Variants in COL6A3 observed in about 807,000 individuals in gnomAD.
COL6A3 encodes collagen alpha-3(VI) chain.
In COL6A3, 137 loss-of-function variants were observed where a neutral mutation model predicts 274.1. That is an observed-to-expected ratio of 0.50 (90% CI 0.44 to 0.58). The LOEUF (loss-of-function observed/expected upper bound fraction) is 0.58. Ranked by LOEUF, COL6A3 falls within the 20% of genes least tolerant of loss-of-function variation. The probability of loss-of-function intolerance (pLI) is 0.00; values close to 1 mark genes in which losing one functional copy is unlikely to be tolerated. For missense variants in COL6A3, 3,950 were observed against 4,124.9 expected, an observed-to-expected ratio of 0.96 and a Z score of 1.16; for synonymous variants, 1,650 against 1,650.6, an observed-to-expected ratio of 1.00 and a Z score of 0.01.
chr2:237,398,437 C>A (rs1173021977), intron 1 of COL6A3, among the ~76,000 whole-genome samples: 2 of 152,188 alleles, frequency 1.3e-5, no homozygotes, highest in Non-Finnish European at 2.9e-5. Flanking sequence ...CTTCACTCTC[C>A]AATCTCCAAT....
rs780344025 is a variant in COL6A3 at position 237,348,672 on chromosome 2, G to A, written c.6880-9C>T. The A allele has an allele frequency of 8.7e-6, 14 of 1,614,030 alleles. No individual in the cohort carries two copies. The highest frequency in any genetic ancestry group is 1.2e-5 in the Non-Finnish European group (14 of 1,179,946). On this transcript the variant is annotated splice_polypyrimidine_tract_variant and intron_variant, in intron 28 of 43. Transcript: ENST00000295550. ...TCTCTCCCGTCATCTCCCTAAGAGT[G>A]GGAAAGAGATGTGACTGTAGGTCGC...
chr2:237,395,886 G>A (rs2078427614), intron 2 of COL6A3, among the ~76,000 whole-genome samples: 1 of 152,154 alleles, frequency 6.6e-6, no homozygotes, highest in Non-Finnish European at 1.5e-5. Context: ...ATTTCCAGAT[G>A]AACCCAGTTC....
At chr2:237,335,033 C>G in intron 40 of COL6A3, 144 bp from the exon 41 acceptor site, 1 of 886,918 alleles carries the variant, frequency 1.1e-6, no homozygotes, top group Non-Finnish European at 1.8e-6. Context: ...ATTTCTTGTT[C>G]AAGCCCCTAA....
chr2:237,378,452 A>G (rs2077907863), intron 6 of COL6A3, among the ~76,000 whole-genome samples, 184 bp downstream of exon 6: 1 of 152,208 alleles, frequency 6.6e-6, no homozygotes, highest in Admixed American at 6.5e-5. Context: ...CTTCGTGAAC[A>G]CCCTTTAGAC....
At chr2:237,349,323 C>A (rs535522494) in intron 28 of COL6A3, among the ~76,000 whole-genome samples, 4 of 152,312 alleles carry the variant, frequency 2.6e-5, no homozygotes, top group African/African-American at 9.6e-5. Flanking sequence ...CAGTTTTCAA[C>A]AGATATCAAC....
rs141586922 is a variant in COL6A3 at position 237,394,610 on chromosome 2, G to A, written c.686C>T (p.Thr229Met). ...ACCTGTGATGTCTTTAAGGGTTTCC[G>A]TGTCCCCAGCCCTTTCTGGACTCAC... Reference protein sequence around the residue: ...SSVSPERAGDTETLKDITAQD... With the variant: ...SSVSPERAGDMETLKDITAQD... The change falls in exon 3 of 44, where the codon ACG (threonine) becomes ATG (methionine). Residue 229 changes from threonine to methionine, a missense_variant. Thr to Met is a moderately conservative substitution (Grantham distance 81, BLOSUM62 -1). Transcript: ENST00000295550. The A allele has an allele frequency of 3.2e-5, 51 of 1,613,982 alleles. No individual in the cohort carries two copies. Among genetic ancestry groups the A allele is most frequent in the East Asian group, 4.5e-5 (2 of 44,898 alleles).
At chr2:237,389,114 G>A (rs1009723764) in intron 3 of COL6A3, among the ~76,000 whole-genome samples, 1 of 152,092 alleles carries the variant, frequency 6.6e-6, no homozygotes, top group Non-Finnish European at 1.5e-5. Context: ...ACAAAGGGCA[G>A]AAAAACAGCT....
chr2:237,359,549 A>G (rs577259550), intron 17 of COL6A3, among the ~76,000 whole-genome samples, 161 bp from the exon 18 acceptor site: 1 of 152,252 alleles, frequency 6.6e-6, no homozygotes, highest in South Asian at 2.1e-4. Flanking sequence ...CTCTCTCACC[A>G]CCACGTGCGA....
Position 237,395,193 on chromosome 2 carries a change from C to T in COL6A3, c.103G>A (p.Gly35Ser), listed in dbSNP as rs778530814. The change falls in exon 3 of 44, where the codon GGT becomes AGT. Residue 35 changes from glycine (G) to serine (S), a missense_variant. This residue lies in a region of COL6A3 where 1,934 missense variants were observed against 1,984.3 expected (regional missense o/e 0.97). Transcript: ENST00000295550. ...AQQQQADVKN[G>S]AAADIIFLVD... ...AGAAATATTATATCAGCAGCCGCACCATTTTTGACATCTTTAAAAAAAGAC... is the reference window on the plus strand; with the variant it reads ...AGAAATATTATATCAGCAGCCGCACTATTTTTGACATCTTTAAAAAAAGAC... The T allele has an allele frequency of 6.2e-7, 1 of 1,613,214 alleles. No individual in the cohort carries two copies. The highest frequency in any genetic ancestry group is 2.2e-5 in the East Asian group (1 of 44,882).
chr2:237,363,139 C>A, intron 14 of COL6A3, 114 bp downstream of exon 14: 1 of 1,047,182 alleles, frequency 9.5e-7, no homozygotes, highest in Non-Finnish European at 1.4e-6. Flanking sequence ...AACTATCTAC[C>A]AAGGCCCCCC....
At chr2:237,347,706 C>T in intron 31 of COL6A3, 101 bp downstream of exon 31, 1 of 1,226,162 alleles carries the variant, frequency 8.2e-7, no homozygotes, top group South Asian at 1.3e-5. Context: ...TATCCCTGGC[C>T]AGGGTGCAAG....
At position 237,377,540 on chromosome 2, in the gene COL6A3, A is replaced by C. The variant is rs542551045; in HGVS notation, c.2498-196T>G. 2.0e-5 allele frequency among the ~76,000 whole-genome samples: 3 copies of C among 152,328 alleles called. No individual in the cohort carries two copies. The South Asian group carries it at 6.2e-4, about 32-fold the overall frequency. On this transcript the variant is annotated intron_variant, in intron 6 of 43. Transcript: ENST00000295550. ...CTATTTCAAATCAGTGCATATTTGC[A>C]AAGCTAGTAACTAGAACAGCCTATC...
chr2:237,333,321 A>T (rs901477864), intron 42 of COL6A3, 129 bp downstream of exon 42: 2 of 793,416 alleles, frequency 2.5e-6, no homozygotes, highest in Non-Finnish European at 4.3e-6. Context: ...GGCTGCACAG[A>T]GCTGACGTGG....
intron 43 of COL6A3, 111 bp from the exon 44 acceptor site, chr2:237,324,925 C>T: frequency 9.0e-7 from 1 of 1,114,146 alleles, no homozygotes; most frequent in Non-Finnish European, 1.3e-6. Context: ...CACAGTCCCG[C>T]AGCCTCTGGT....
chr2:237,371,733 T>A lies in COL6A3; in HGVS notation c.4284A>T (p.Pro1428=). The A allele has an allele frequency of 6.3e-7, 1 of 1,593,422 alleles. No individual in the cohort carries two copies. The highest frequency in any genetic ancestry group is 8.6e-7 in the Non-Finnish European group (1 of 1,166,580). ...GAACCTCCGACGCCCCCATCTCACC[T>A]GGAGGTGGATAGCGAGTGCTGGCTA... is the stretch of plus-strand genomic sequence containing the variant. ...KLLASTRYPP[P]AVESDAADIV... Residue 1428 remains proline, a splice_region_variant and synonymous_variant, in exon 9 of 44, where the codon CCA becomes CCT. Coordinates refer to ENST00000295550, the MANE Select transcript of COL6A3 (RefSeq NM_004369.4). This position sits in a 1 kb window ranked among gnomAD's most constrained non-coding sequence, Gnocchi z 4.3.
rs11896521 is a variant in COL6A3, at chr2:237,374,829, T to G, written c.3262A>C (p.Lys1088Gln). The stretch of plus-strand genomic sequence containing the variant: ...CGGACAGCGTTGACGACGTCCTGCT[T>G]GTTCATGTATGAATTCAGGTAGAAC... ...PEFYLNSYMNKQDVVNAVRQL... is the reference protein window; with the variant it reads ...PEFYLNSYMNQQDVVNAVRQL... The change falls in exon 8 of 44, where the codon AAG (lysine) becomes CAG (glutamine). Residue 1088 changes from lysine (K) to glutamine (Q), a missense_variant. Around this residue, in one of 5 missense-constraint regions of COL6A3, gnomAD observed 1,934 missense variants for 1,984.3 expected, o/e 0.97. Transcript: ENST00000295550. This position sits in a 1 kb window ranked among gnomAD's most constrained non-coding sequence, Gnocchi z 4.8. 0.017 allele frequency: 26,914 copies of G among 1,613,924 alleles called. 1,501 individuals are homozygous for G. The highest frequency in any genetic ancestry group is 0.15 in the African/African-American group (11,317 of 74,940).
At chr2:237,327,213 C>T (rs576888781) in intron 42 of COL6A3, 7 of 152,340 alleles carry the variant, frequency 4.6e-5, no homozygotes, top group Admixed American at 3.3e-4. Flanking sequence ...GGTGGCTTCC[C>T]TGTTAGCGTG....
Position 237,394,733 on chromosome 2 carries a change from A to G in COL6A3, c.563T>C (p.Ile188Thr), listed in dbSNP as rs2078385314. 7 of 1,614,200 alleles carry G rather than the reference A, an allele frequency of 4.3e-6. No individual in the cohort carries two copies. The highest frequency in any genetic ancestry group is 5.9e-6 in the Non-Finnish European group (7 of 1,180,036). ...EDADEGALKE[I>T]ASEPLNMHMF... is the part of the protein sequence containing the mutation. ...ATGCATATTGAGCGGTTCACTTGCT[A>G]TTTCTTTTAACGCTCCTTCATCTGC... Residue 188 changes from isoleucine to threonine, a missense_variant, in exon 3 of 44, where the codon ATA becomes ACA. Physicochemically the swap from Ile to Thr is moderately conservative, Grantham distance 89. This residue lies in a region of COL6A3 where 1,934 missense variants were observed against 1,984.3 expected (regional missense o/e 0.97). Coordinates refer to ENST00000295550, the MANE Select transcript of COL6A3 (RefSeq NM_004369.4).
rs763703816 is a variant in COL6A3, at chr2:237,372,351, G to C, written c.3680-14C>G. 6.2e-7 allele frequency: 1 copy of C among 1,602,284 alleles called. No homozygotes were observed. Among genetic ancestry groups the C allele is most frequent in the African/African-American group, 1.3e-5 (1 of 74,942 alleles). On this transcript the variant is annotated splice_polypyrimidine_tract_variant and intron_variant, in intron 8 of 43. Transcript: ENST00000295550. The stretch of plus-strand genomic sequence containing the variant: ...TGCCACCAACACCTGCGAAACAAAT[G>C]TGAGCATGGCTTCACCTTCATCGTC...
Sources: allele counts gnomAD v4.1 joint callset (sites outside exome capture counted in the v4.1 genomes callset), GRCh38; gene constraint gnomAD v4.1.1; regional missense constraint gnomAD v4.1.1; non-coding constraint Gnocchi (gnomAD v3.1); transcripts MANE v1.5; gene names NCBI Gene and HGNC (gene_info 2026-07-23, HGNC 2026-07-21).